ASCC3: variants seen among roughly 807,000 people sequenced by gnomAD.
ASCC3 encodes the protein activating signal cointegrator 1 complex subunit 3.
In ASCC3, 158 loss-of-function variants were observed where a neutral mutation model predicts 256.3. The ratio of observed to expected loss-of-function variants is 0.62; its 90% CI spans 0.54 to 0.70. ASCC3 has a LOEUF of 0.70. Among genes scored for constraint, ASCC3 ranks in the 30% least tolerant of loss-of-function variants. The pLI is 0.00. For synonymous variants in ASCC3, 948 were observed against 883.4 expected (o/e 1.07, Z -1.30); for missense variants, 2,259 against 2,626.0 (o/e 0.86, Z 3.05).
At chr6:100,658,702 G>A (rs1437330754) in intron 16 of ASCC3, among the ~76,000 whole-genome samples, 1 of 151,386 alleles carries the variant, frequency 6.6e-6, no homozygotes, top group Non-Finnish European at 1.5e-5. Flanking sequence ...CTTGTCTAGG[G>A]CAGAAGATCT....
intron 8 of ASCC3, among the ~76,000 whole-genome samples, chr6:100,778,326 A>T (rs1429358872): frequency 6.6e-6 from 1 of 152,146 alleles, no homozygotes; most frequent in Non-Finnish European, 1.5e-5. Context: ...TCAGAAAGGT[A>T]GTGATTCTTC....
At chr6:100,724,506 T>C (rs983201577) in intron 11 of ASCC3, among the ~76,000 whole-genome samples, 5 of 151,704 alleles carry the variant, frequency 3.3e-5, no homozygotes, top group South Asian at 4.2e-4. Context: ...AAAAAGACAG[T>C]GCCCACTGAG....
intron 36 of ASCC3, among the ~76,000 whole-genome samples, chr6:100,556,337 TAAATG>T: frequency 6.6e-6 from 1 of 152,232 alleles, no homozygotes; most frequent in South Asian, 2.1e-4. Flanking sequence ...AATTGCCAAA[TAAATG>T]AAATGAACGC....
chr6:100,840,488 C>CTTTTTTTTT, intron 4 of ASCC3, among the ~76,000 whole-genome samples: 1 of 109,226 alleles, frequency 9.2e-6, no homozygotes, highest in Non-Finnish European at 1.7e-5. Context: ...CCACGCCAGG[C>CTTTTTTTTT]TTTTTTTTTT....
intron 39 of ASCC3, among the ~76,000 whole-genome samples, chr6:100,515,757 T>C (rs240779): frequency 6.6e-6 from 1 of 152,072 alleles, no homozygotes; most frequent in South Asian, 2.1e-4. Context: ...TACCCAAGCA[T>C]ACAGAAGGAA....
chr6:100,514,600 T>C (rs1249776688), intron 39 of ASCC3, among the ~76,000 whole-genome samples: 1 of 151,494 alleles, frequency 6.6e-6, no homozygotes, highest in African/African-American at 2.4e-5. Context: ...TGTACACATA[T>C]ATTTATTGGA....
At chr6:100,580,032 G>A (rs981526713) in intron 36 of ASCC3, among the ~76,000 whole-genome samples, 2 of 152,006 alleles carry the variant, frequency 1.3e-5, no homozygotes, top group Admixed American at 1.3e-4. Context: ...TCGTTATAGA[G>A]ATTTTTTATC....
At chr6:100,589,403 A>C (rs1771870783) in intron 36 of ASCC3, among the ~76,000 whole-genome samples, 1 of 152,120 alleles carries the variant, frequency 6.6e-6, no homozygotes. Flanking sequence ...ATCCTGGCTT[A>C]AATATTAATA....
chr6:100,583,423 C>A (rs530511071), intron 36 of ASCC3, among the ~76,000 whole-genome samples: 1 of 152,058 alleles, frequency 6.6e-6, no homozygotes, highest in Non-Finnish European at 1.5e-5. Context: ...TCTGTGGGAT[C>A]GGTGGTGATA....
rs1439507894 is a variant in ASCC3, at chr6:100,579,492, T to C, written c.5550+10142A>G. Among the ~76,000 whole-genome samples, 6 of 152,276 alleles carry C rather than the reference T, an allele frequency of 3.9e-5. No homozygotes were observed. In the East Asian group the frequency reaches 9.6e-4, roughly 24 times the overall value. The stretch of plus-strand genomic sequence containing the variant: ...TAGTTTTAGGTTTCACATTCAAGTC[T>C]TCAATCCATCTTGACTTGACTTTTG... On this transcript the variant is annotated intron_variant, in intron 36 of 41. Coordinates refer to ENST00000369162, the MANE Select transcript of ASCC3 (RefSeq NM_006828.4).
At chr6:100,677,726 T>C (rs866493096) in intron 14 of ASCC3, among the ~76,000 whole-genome samples, 1 of 151,734 alleles carries the variant, frequency 6.6e-6, no homozygotes, top group African/African-American at 2.4e-5. Context: ...AGGACAATGT[T>C]CTTAATAAAT....
At chr6:100,731,920 G>C (rs1452010392) in intron 10 of ASCC3, among the ~76,000 whole-genome samples, 5 of 152,082 alleles carry the variant, frequency 3.3e-5, no homozygotes, top group African/African-American at 9.7e-5. Context: ...CCAGCACTTT[G>C]GGAGGCCAAG....
chr6:100,659,578 T>G (rs771650868), intron 16 of ASCC3, among the ~76,000 whole-genome samples: 3 of 151,508 alleles, frequency 2.0e-5, no homozygotes, highest in African/African-American at 7.2e-5. Flanking sequence ...TTTATAAATA[T>G]TTGATAAATT....
chr6:100,628,887 C>T (rs1289344482), intron 27 of ASCC3, 128 bp downstream of exon 27: 5 of 863,534 alleles, frequency 5.8e-6, no homozygotes, highest in Non-Finnish European at 9.0e-6. Context: ...ACATTATATA[C>T]ATACATCAAA....
chr6:100,816,928 AG>A (rs1389929559), intron 4 of ASCC3, among the ~76,000 whole-genome samples: 1 of 151,628 alleles, frequency 6.6e-6, no homozygotes, highest in South Asian at 2.1e-4. Flanking sequence ...ATATAAAAAA[AG>A]TTTTAAAAAT....
intron 13 of ASCC3, among the ~76,000 whole-genome samples, chr6:100,700,525 G>A (rs1274293746): frequency 6.6e-6 from 1 of 152,126 alleles, no homozygotes; most frequent in Non-Finnish European, 1.5e-5. Context: ...CTGACAGCTT[G>A]CACCAGGCAC....
At chr6:100,653,361 C>G (rs971537007) in intron 17 of ASCC3, among the ~76,000 whole-genome samples, 3 of 151,982 alleles carry the variant, frequency 2.0e-5, no homozygotes, top group East Asian at 2.0e-4. Context: ...GTTATCCGGC[C>G]GGGCACAGTG....
intron 4 of ASCC3, among the ~76,000 whole-genome samples, chr6:100,822,053 G>T (rs975150447): frequency 6.6e-6 from 1 of 152,064 alleles, no homozygotes; most frequent in Non-Finnish European, 1.5e-5. Flanking sequence ...AAAGGTCAAA[G>T]ATTTCTTTTT....
chr6:100,867,685 A>C (rs888949512), intron 2 of ASCC3, among the ~76,000 whole-genome samples: 4 of 152,170 alleles, frequency 2.6e-5, no homozygotes, highest in Admixed American at 6.5e-5. Flanking sequence ...AAAGGATTCA[A>C]TTATCATAGT....
Sources: allele counts gnomAD v4.1 joint callset (sites outside exome capture counted in the v4.1 genomes callset), GRCh38; gene constraint gnomAD v4.1.1; transcripts MANE v1.5; gene names NCBI Gene and HGNC (gene_info 2026-07-23, HGNC 2026-07-21).